LRRTM4: variants seen among roughly 807,000 people sequenced by gnomAD.
LRRTM4 encodes leucine rich repeat transmembrane neuronal 4, also known as leucine-rich repeat transmembrane neuronal protein 4.
A neutral mutation model predicts 47.6 loss-of-function variants in LRRTM4; 25 were observed. The ratio of observed to expected loss-of-function variants is 0.53; its 90% CI spans 0.38 to 0.73. The LOEUF (loss-of-function observed/expected upper bound fraction) is 0.73. Ranked by LOEUF, LRRTM4 falls within the 30% of genes least tolerant of loss-of-function variation. The probability of loss-of-function intolerance (pLI) is 0.00; values close to 1 mark genes in which losing one functional copy is unlikely to be tolerated. For synonymous variants in LRRTM4, 311 were observed against 269.5 expected (o/e 1.15, Z -1.51); for missense variants, 638 against 713.4 (o/e 0.89, Z 1.20).
At chr2:77,339,142 T>A (rs145598486) in intron 3 of LRRTM4, among the ~76,000 whole-genome samples, 21 of 151,974 alleles carry the variant, frequency 1.4e-4, no homozygotes, top group African/African-American at 5.1e-4. Flanking sequence ...ACCTACCTTT[T>A]GAGTACTGTG....
intron 3 of LRRTM4, among the ~76,000 whole-genome samples, chr2:77,125,314 T>C (rs1403145702): frequency 2.0e-5 from 3 of 152,178 alleles, no homozygotes; most frequent in Admixed American, 6.5e-5. Context: ...TAATTGTATA[T>C]GACATCTGAT....
At chr2:77,271,538 G>A (rs949486753) in intron 3 of LRRTM4, among the ~76,000 whole-genome samples, 3 of 152,102 alleles carry the variant, frequency 2.0e-5, no homozygotes, top group African/African-American at 7.2e-5. Flanking sequence ...CCAAGTAGAG[G>A]GGGCACCCCT....
chr2:77,254,253 A>G (rs1317432195), intron 3 of LRRTM4, among the ~76,000 whole-genome samples: 1 of 152,018 alleles, frequency 6.6e-6, no homozygotes, highest in Non-Finnish European at 1.5e-5. Flanking sequence ...AAGTGGTATC[A>G]CATTTTTTAA....
intron 1 of LRRTM4, 47 bp downstream of exon 1, chr2:77,522,062 C>G (rs1376355540): frequency 1.4e-6 from 1 of 714,584 alleles, no homozygotes; most frequent in South Asian, 1.5e-5. Flanking sequence ...CGGAGGTAAC[C>G]AACTTCTCTG....
At chr2:77,328,915 A>C (rs1245660713) in intron 3 of LRRTM4, among the ~76,000 whole-genome samples, 1 of 152,212 alleles carries the variant, frequency 6.6e-6, no homozygotes, top group African/African-American at 2.4e-5. Context: ...GTGAGGCAGT[A>C]ATAGGCTGAA....
chr2:76,754,657 C>T (rs934124624), intron 3 of LRRTM4, among the ~76,000 whole-genome samples: 6 of 152,146 alleles, frequency 3.9e-5, no homozygotes, highest in African/African-American at 1.4e-4. Context: ...ATTATGGCTA[C>T]AGTTATTTCT....
At chr2:77,130,995 C>A (rs1033300138) in intron 3 of LRRTM4, among the ~76,000 whole-genome samples, 1 of 143,060 alleles carries the variant, frequency 7.0e-6, no homozygotes, top group African/African-American at 2.6e-5. Context: ...CCACTACGCC[C>A]GGCTAATTTT....
intron 3 of LRRTM4, among the ~76,000 whole-genome samples, chr2:77,038,776 G>A (rs998900928): frequency 6.6e-6 from 1 of 151,388 alleles, no homozygotes; most frequent in African/African-American, 2.4e-5. Context: ...ATATTGATAG[G>A]GGAATCAGTT....
chr2:77,033,335 TA>T (rs1321194159), intron 3 of LRRTM4, among the ~76,000 whole-genome samples: 2 of 151,760 alleles, frequency 1.3e-5, no homozygotes, highest in African/African-American at 2.4e-5. Flanking sequence ...TAAAGATTAT[TA>T]AAAAAATCTT....
chr2:77,123,383 T>G (rs1158795383), intron 3 of LRRTM4, among the ~76,000 whole-genome samples: 2 of 152,090 alleles, frequency 1.3e-5, no homozygotes, highest in Non-Finnish European at 1.5e-5. Flanking sequence ...CAGCCTTAAT[T>G]ACGTAAAAAC....
intron 3 of LRRTM4, among the ~76,000 whole-genome samples, chr2:77,243,568 A>G (rs1023330296): frequency 7.3e-5 from 11 of 149,990 alleles, no homozygotes; most frequent in Non-Finnish European, 1.6e-4. Flanking sequence ...ATTAATGGGT[A>G]TAGAGTTTTA....
rs896009566 is a variant in LRRTM4, at chr2:76,931,932, G to C, written c.1552-183016C>G. 3.3e-5 allele frequency among the ~76,000 whole-genome samples: 5 copies of C among 152,232 alleles called. No individual in the cohort carries two copies. The South Asian group carries it at 1.0e-3, about 32-fold the overall frequency. On this transcript the variant is annotated intron_variant, in intron 3 of 3. Transcript: ENST00000409884. Reference sequence around the variant, plus strand: ...AAGTTGAGAGAAAGGAGGATGGGCAGAACAGGGAGGTTACTAAGTAAAAAC... The same window carrying C: ...AAGTTGAGAGAAAGGAGGATGGGCACAACAGGGAGGTTACTAAGTAAAAAC...
At chr2:77,210,719 T>C (rs1558635106) in intron 3 of LRRTM4, among the ~76,000 whole-genome samples, 1 of 152,136 alleles carries the variant, frequency 6.6e-6, no homozygotes, top group Non-Finnish European at 1.5e-5. Context: ...GGTGATGTGT[T>C]TGAAGTTACC....
chr2:76,972,468 AGTGCAGTG>A, intron 3 of LRRTM4, among the ~76,000 whole-genome samples: 1 of 125,034 alleles, frequency 8.0e-6, no homozygotes, highest in East Asian at 2.4e-4. Flanking sequence ...CCCAGGATGG[AGTGCAGTG>A]GTGCAGTTTC....
intron 3 of LRRTM4, among the ~76,000 whole-genome samples, chr2:77,315,174 G>A (rs113988198): frequency 6.6e-6 from 1 of 152,134 alleles, no homozygotes; most frequent in African/African-American, 2.4e-5. Context: ...ATTATGCAAA[G>A]TTAAAGGTTT....
At chr2:76,942,705 T>TGTGTGTGTGTGTGTGTGTGTGTGTG (rs1558753144) in intron 3 of LRRTM4, among the ~76,000 whole-genome samples, 3 of 151,650 alleles carry the variant, frequency 2.0e-5, no homozygotes, top group Admixed American at 1.3e-4. Context: ...TGTGTGTGTG[T>TGTGTGTGTGTGTGTGTGTGTGTGTG]TTAAATCTGT....
At chr2:76,940,285 T>A (rs1675091450) in intron 3 of LRRTM4, among the ~76,000 whole-genome samples, 1 of 152,112 alleles carries the variant, frequency 6.6e-6, no homozygotes, top group Non-Finnish European at 1.5e-5. Context: ...GTGGTACATG[T>A]ACACCAAGGA....
At chr2:77,362,170 A>AAAGGAAGGAAGGAAGGAAGGAAGGAAGG (rs1553434339) in intron 3 of LRRTM4, among the ~76,000 whole-genome samples, 20 of 133,536 alleles carry the variant, frequency 1.5e-4, no homozygotes, top group African/African-American at 5.6e-4. Context: ...AGAAAGAAAG[A>AAAGGAAGGAAGGAAGGAAGGAAGGAAGG]AAGGAAGGAA....
intron 3 of LRRTM4, among the ~76,000 whole-genome samples, chr2:76,786,971 AT>A (rs1034634160): frequency 1.2e-4 from 18 of 149,230 alleles, no homozygotes; most frequent in Middle Eastern, 3.4e-3. Context: ...ATTTACCTAC[AT>A]TTTTTTTTTC....
Sources: gnomAD v4.1 joint callset for allele counts (sites outside exome capture counted in the v4.1 genomes callset) on GRCh38, gnomAD v4.1.1 for gene constraint, MANE v1.5 for transcripts, NCBI Gene and HGNC (gene_info 2026-07-23, HGNC 2026-07-21) for gene names.